Variants in SNX19 observed in about 807,000 individuals in gnomAD.
SNX19 encodes the protein sorting nexin-19.
Under a neutral mutation model 85.2 loss-of-function variants are expected in SNX19, and 60 were observed. The observed-to-expected ratio is 0.70, with a 90% CI of 0.57 to 0.87. The LOEUF (loss-of-function observed/expected upper bound fraction) is 0.87. Ranked by LOEUF, SNX19 falls within the 40% of genes least tolerant of loss-of-function variation. The pLI, the probability that SNX19 is intolerant of heterozygous loss-of-function variation, is 0.00. For synonymous variants in SNX19, 520 were observed against 470.0 expected, an observed-to-expected ratio of 1.11 and a Z score of -1.38; for missense variants, 1,201 against 1,217.8, an observed-to-expected ratio of 0.99 and a Z score of 0.21.
chr11:130,897,449 G>A (rs989092186), intron 8 of SNX19, among the ~76,000 whole-genome samples: 23 of 152,142 alleles, frequency 1.5e-4, no homozygotes, highest in Admixed American at 1.5e-3. Context: ...CCAGGAATGT[G>A]TCTGCTGCCC....
At position 130,914,267 on chromosome 11, in the gene SNX19, T is replaced by C; in HGVS notation, c.1673A>G (p.Lys558Arg). The C allele has an allele frequency of 5.8e-6, 9 of 1,543,560 alleles. No individual in the cohort carries two copies. The highest frequency in any genetic ancestry group is 7.9e-6 in the Non-Finnish European group (9 of 1,143,856). The change falls in exon 1 of 11, where the codon AAG becomes AGG. Residue 558 changes from lysine to arginine, a missense_variant and splice_region_variant. Physicochemically the swap from Lys to Arg is conservative, Grantham distance 26. Coordinates refer to ENST00000265909, the MANE Select transcript of SNX19 (RefSeq NM_014758.3). ...GFHPYTLYTV[K>R]YETALDGENS... Reference sequence around the variant, plus strand: ...CACCCACAGCTTTAATCCTGTTACCTTCACAGTATAGAGTGTGTATGGGTG... The same window carrying C: ...CACCCACAGCTTTAATCCTGTTACCCTCACAGTATAGAGTGTGTATGGGTG...
intron 8 of SNX19, among the ~76,000 whole-genome samples, chr11:130,881,475 A>G (rs1009318041): frequency 2.0e-5 from 3 of 152,176 alleles, no homozygotes; most frequent in African/African-American, 7.2e-5. Flanking sequence ...TGCACCTATT[A>G]TCTTTCTAGC....
At chr11:130,913,699 T>C (rs1017920333) in intron 1 of SNX19, among the ~76,000 whole-genome samples, 4 of 152,194 alleles carry the variant, frequency 2.6e-5, no homozygotes, top group African/African-American at 9.7e-5. Flanking sequence ...ATTTTGTACT[T>C]TGTTTTAGGA....
chr11:130,915,348 G>T lies in SNX19; in HGVS notation c.592C>A (p.Pro198Thr), dbSNP rs1315337278. 1.2e-6 allele frequency: 2 copies of T among 1,614,052 alleles called. No homozygotes were observed. Among genetic ancestry groups the T allele is most frequent in the African/African-American group, 2.7e-5 (2 of 74,924 alleles). Residue 198 changes from proline (P) to threonine (T), a missense_variant, in exon 1 of 11, where the codon CCA (proline) becomes ACA (threonine). This residue lies in a region of SNX19 where 791 missense variants were observed against 750.9 expected (regional missense o/e 1.05). Coordinates refer to ENST00000265909, the MANE Select transcript of SNX19 (RefSeq NM_014758.3). The stretch of plus-strand genomic sequence containing the variant: ...CTGGGGCTGTGCACAGCAGGATGTG[G>T]GGCAGTCGCCCGGCAGTAAGCCTCC... The part of the protein sequence containing the change: ...LWEAYCRATA[P>T]HPAVHSPSAE...
In SNX19 at chr11:130,879,610, AT is replaced by A. The variant is rs1193938457; in HGVS notation, c.2846+13del. The A allele has an allele frequency of 6.2e-7, 1 of 1,612,010 alleles. No individual in the cohort carries two copies. Among genetic ancestry groups the A allele is most frequent in the Non-Finnish European group, 8.5e-7 (1 of 1,178,296 alleles). ...GTAACTATGCTGATGTTGGAATAAC[AT>A]TTTCCCACTTACCTGTTGATGAGGG... On this transcript the variant is annotated intron_variant, in intron 10 of 10. Coordinates refer to ENST00000265909, the MANE Select transcript of SNX19 (RefSeq NM_014758.3).
At position 130,903,329 on chromosome 11, in the gene SNX19, T is replaced by G; in HGVS notation, c.2499A>C (p.Thr833=). The G allele has an allele frequency of 6.2e-7, 1 of 1,613,770 alleles. No individual in the cohort carries two copies. The highest frequency in any genetic ancestry group is 1.1e-5 in the South Asian group (1 of 91,068). The part of the protein sequence containing the change: ...TALDLLLLLL[T]EQWKWLCTEN... ...CGGTACATAGCCATTTCCACTGTTCTGTTAGTAGCAAGAGGAGCAGATCCA... is the reference window on the plus strand; with the variant it reads ...CGGTACATAGCCATTTCCACTGTTCGGTTAGTAGCAAGAGGAGCAGATCCA... The change falls in exon 8 of 11, where the codon ACA becomes ACC. Residue 833 remains threonine, a synonymous_variant. Coordinates refer to ENST00000265909, the MANE Select transcript of SNX19 (RefSeq NM_014758.3).
rs1946530314 is a variant in SNX19 at position 130,915,747 on chromosome 11, G to A, written c.193C>T (p.Leu65=). 1.2e-6 allele frequency: 2 copies of A among 1,614,208 alleles called. No individual in the cohort carries two copies. Among genetic ancestry groups the A allele is most frequent in the Non-Finnish European group, 1.7e-6 (2 of 1,180,058 alleles). ...SALLVVLGGW[L]GSSLAGVASG... ...GCCACTCCAGCGAGGCTGGAGCCCA[G>A]CCATCCTCCCAGCACCACTAGCAAT... Residue 65 remains leucine (L), a synonymous_variant, in exon 1 of 11, where the codon CTG becomes TTG. Coordinates refer to ENST00000265909, the MANE Select transcript of SNX19 (RefSeq NM_014758.3).
intron 10 of SNX19, among the ~76,000 whole-genome samples, chr11:130,878,983 C>T (rs1372083696): frequency 6.6e-6 from 1 of 152,170 alleles, no homozygotes; most frequent in Non-Finnish European, 1.5e-5. Flanking sequence ...CGAACACAGT[C>T]TACTTTGGGG....
In SNX19 at chr11:130,915,049, T is replaced by C. The variant is rs905961165; in HGVS notation, c.891A>G (p.Val297=). ...VPTSLPLIAE[V]EQLPEGRASP... ...AAGCTCTCCCTTCTGGAAGCTGCTC[T>C]ACCTCAGCAATCAGTGGCAGAGATG... Residue 297 remains valine (V), a synonymous_variant, in exon 1 of 11, where the codon GTA becomes GTG. Coordinates refer to ENST00000265909, the MANE Select transcript of SNX19 (RefSeq NM_014758.3). 7 of 1,614,016 alleles carry C rather than the reference T, an allele frequency of 4.3e-6. No homozygotes were observed. In the African/African-American group the frequency reaches 9.3e-5, roughly 22 times the overall value.
chr11:130,888,398 C>G (rs931760917), intron 8 of SNX19, among the ~76,000 whole-genome samples: 6 of 152,096 alleles, frequency 3.9e-5, no homozygotes, highest in African/African-American at 1.2e-4. Flanking sequence ...ATTTAATACC[C>G]TTGGGCTAAA....
In SNX19 at chr11:130,870,194, AGCTT is replaced by A. The variant is rs1942965154; in HGVS notation, c.*8224_*8227del. 1 of 152,176 alleles carries A rather than the reference AGCTT, an allele frequency of 6.6e-6. No individual in the cohort carries two copies. Among genetic ancestry groups the A allele is most frequent in the South Asian group, 2.1e-4 (1 of 4,824 alleles). The allele number at this position is 152,176 out of a possible 1,614,324, so 9.4% of individuals were successfully genotyped here. A position where few individuals can be genotyped will look rare whatever the true frequency, so the allele number is the denominator to read the frequency against. On this transcript the variant is annotated 3_prime_UTR_variant, in exon 11 of 11. Transcript: ENST00000265909. ...CTTCCATGTCCAAAACCATACGTGGAGCTTGCTTGTGTTTCAATACAAGCTCTTG... is the reference window on the plus strand; with the variant it reads ...CTTCCATGTCCAAAACCATACGTGGAGCTTGTGTTTCAATACAAGCTCTTG...
rs912746620 is a variant in SNX19, at chr11:130,911,695, C to T, written c.1751G>A (p.Arg584Gln). ...ACGGGTCTGCAGATTCAAGAACTCC[C>T]GATAGCGACGATTCACAGTGTGGTA... ...LAYHTVNRRY[R>Q]EFLNLQTRLE... Residue 584 changes from arginine to glutamine, a missense_variant, in exon 2 of 11, where the codon CGG (arginine) becomes CAG (glutamine). Physicochemically the swap from Arg to Gln is conservative, Grantham distance 43. Coordinates refer to ENST00000265909, the MANE Select transcript of SNX19 (RefSeq NM_014758.3). 10 of 1,614,138 alleles carry T rather than the reference C, an allele frequency of 6.2e-6. No individual in the cohort carries two copies. The highest frequency in any genetic ancestry group is 3.3e-5 in the Admixed American group (2 of 60,034).
At chr11:130,909,113 G>A (rs1945889962) in intron 4 of SNX19, among the ~76,000 whole-genome samples, 1 of 152,216 alleles carries the variant, frequency 6.6e-6, no homozygotes, top group Non-Finnish European at 1.5e-5. Context: ...GTGAGGGTGG[G>A]GAGGTCCTCA....
chr11:130,893,445 A>C (rs12049886), intron 8 of SNX19, among the ~76,000 whole-genome samples: 5,922 of 152,210 alleles, frequency 0.039, 172 homozygotes, highest in South Asian at 0.074. Flanking sequence ...AAACAAAGAG[A>C]AAAAACACTG....
Position 130,914,533 on chromosome 11 carries a change from C to A in SNX19, c.1407G>T (p.Leu469=), listed in dbSNP as rs1487953319. The change falls in exon 1 of 11, where the codon CTG becomes CTT. Residue 469 remains leucine (L), a synonymous_variant. Coordinates refer to ENST00000265909, the MANE Select transcript of SNX19 (RefSeq NM_014758.3). ...AGGGGCAGGTCTTTTCTGGCCCCTC[C>A]AGCAAAGCTGTAACAGAGGCGGTAA... The part of the protein sequence containing the change: ...GDVTASVTAL[L]EGPEKTCPSR... The A allele has an allele frequency of 1.2e-6, 2 of 1,613,850 alleles. No homozygotes were observed. Among genetic ancestry groups the A allele is most frequent in the African/African-American group, 2.7e-5 (2 of 74,912 alleles).
chr11:130,894,682 A>C (rs1944749650), intron 8 of SNX19: 10 of 985,478 alleles, frequency 1.0e-5, no homozygotes, highest in Non-Finnish European at 1.2e-5. Context: ...ATTTGAAACA[A>C]TAAAAGCAAC....
intron 8 of SNX19, among the ~76,000 whole-genome samples, chr11:130,882,272 G>T (rs561455889): frequency 6.6e-6 from 1 of 152,314 alleles, no homozygotes; most frequent in African/African-American, 2.4e-5. Flanking sequence ...TTCTATTCAT[G>T]CACGGAAGAC....
intron 8 of SNX19, among the ~76,000 whole-genome samples, chr11:130,898,786 A>G (rs1168101226): frequency 6.6e-6 from 1 of 152,256 alleles, no homozygotes; most frequent in Non-Finnish European, 1.5e-5. Flanking sequence ...TTTAGACTGC[A>G]GCACTGCCCT....
In SNX19 at chr11:130,916,441, G is replaced by A. The variant is rs144956456; in HGVS notation, c.-502C>T. 2 of 152,610 alleles carry A rather than the reference G, an allele frequency of 1.3e-5. No homozygotes were observed. The highest frequency in any genetic ancestry group is 2.9e-5 in the Non-Finnish European group (2 of 68,312). The allele number at this position is 152,610 out of a possible 1,614,324, so 9.5% of individuals were successfully genotyped here. On this transcript the variant is annotated 5_prime_UTR_variant, in exon 1 of 11. Transcript: ENST00000265909. ...GCGACTGCGCTCCGCAGCCGGGCCTGTGTGAAGGCTGACCGCCGGCCGGCC... is the reference window on the plus strand; with the variant it reads ...GCGACTGCGCTCCGCAGCCGGGCCTATGTGAAGGCTGACCGCCGGCCGGCC...
Sources: gnomAD v4.1 joint callset for allele counts (sites outside exome capture counted in the v4.1 genomes callset) on GRCh38, gnomAD v4.1.1 for gene constraint, gnomAD v4.1.1 regional missense constraint, MANE v1.5 for transcripts, NCBI Gene and HGNC (gene_info 2026-07-23, HGNC 2026-07-21) for gene names.